PTPRD: variants seen among roughly 807,000 people sequenced by gnomAD.
The protein encoded by PTPRD is protein tyrosine phosphatase receptor type D.
In PTPRD, 34 loss-of-function variants were observed where a neutral mutation model predicts 214.5. That is an observed-to-expected ratio of 0.16 (90% confidence interval 0.12 to 0.21). The LOEUF (loss-of-function observed/expected upper bound fraction) is 0.21, where lower values mean the gene tolerates loss of function less well. PTPRD is among the 10% of genes least tolerant of loss of function. The probability of loss-of-function intolerance (pLI) is 1.00; values close to 1 mark genes in which losing one functional copy is unlikely to be tolerated. For missense variants in PTPRD, 2,545 were observed against 2,398.7 expected (o/e 1.06, Z -1.27); for synonymous variants, 1,128 against 845.7 (o/e 1.33, Z -5.79).
At chr9:10,531,964 G>A (rs985815854) in intron 2 of PTPRD, among the ~76,000 whole-genome samples, 5 of 152,116 alleles carry the variant, frequency 3.3e-5, no homozygotes, top group Admixed American at 2.6e-4. Flanking sequence ...TTATTTAATA[G>A]TGGGAATAAC....
At position 10,190,174 on chromosome 9, in the gene PTPRD, C is replaced by T. The variant is rs952356168; in HGVS notation, c.-545+150789G>A. Among the ~76,000 whole-genome samples the T allele has an allele frequency of 3.3e-5, 5 of 151,440 alleles. No homozygotes were observed. In the East Asian group the frequency reaches 9.8e-4, roughly 30 times the overall value. ...CTGAGGTCAGGAGTTCGAGATCAGC[C>T]TGACCAATATGGTGAAACCTCGTCT... On this transcript the variant is annotated intron_variant, in intron 3 of 45. Transcript: ENST00000381196.
Position 8,331,548 on chromosome 9 carries a change from C to T in PTPRD, c.5534+34G>A, listed in dbSNP as rs76379489. The T allele has an allele frequency of 0.068, 70,112 of 1,028,882 alleles. 2,344 individuals are homozygous for T. Among genetic ancestry groups the T allele is most frequent in the South Asian group, 0.23 (12,685 of 55,320 alleles). 63.7% of individuals were successfully genotyped at this position (1,028,882 alleles called of 1,614,324 possible). ...TACAGACAATGAAGAAACACCACCA[C>T]TTATCACTGCTTTATTCACAAATGG... On this transcript the variant is annotated intron_variant, in intron 44 of 45. Transcript: ENST00000381196.
intron 9 of PTPRD, among the ~76,000 whole-genome samples, chr9:9,332,752 G>A (rs751801863): frequency 6.6e-6 from 1 of 151,492 alleles, no homozygotes; most frequent in African/African-American, 2.4e-5. Flanking sequence ...GTACAGAGGA[G>A]GGTTTTTTTT....
intron 10 of PTPRD, among the ~76,000 whole-genome samples, chr9:9,169,924 C>T (rs1240493944): frequency 6.6e-6 from 1 of 152,094 alleles, no homozygotes; most frequent in African/African-American, 2.4e-5. Context: ...CCTGTCCTGT[C>T]CTGGAACTGC....
At chr9:10,087,922 C>T (rs1286901376) in intron 3 of PTPRD, among the ~76,000 whole-genome samples, 1 of 151,666 alleles carries the variant, frequency 6.6e-6, no homozygotes, top group East Asian at 1.9e-4. Flanking sequence ...TTGCAGACTA[C>T]TAATACAGGG....
intron 9 of PTPRD, among the ~76,000 whole-genome samples, chr9:9,332,395 A>AT (rs1412371285): frequency 6.6e-6 from 1 of 151,990 alleles, no homozygotes; most frequent in African/African-American, 2.4e-5. Context: ...AGTATATTCC[A>AT]TTTTGTCTAG....
chr9:9,829,837 A>C (rs894575910), intron 5 of PTPRD, among the ~76,000 whole-genome samples: 1 of 151,840 alleles, frequency 6.6e-6, no homozygotes, highest in African/African-American at 2.4e-5. Flanking sequence ...TTGTTTTGAA[A>C]GAATATTCTG....
At chr9:9,339,702 C>T (rs1265627855) in intron 9 of PTPRD, among the ~76,000 whole-genome samples, 1 of 152,152 alleles carries the variant, frequency 6.6e-6, no homozygotes, top group Non-Finnish European at 1.5e-5. Context: ...TGAATATTTG[C>T]TTACGTAAGT....
chr9:8,688,762 T>C, intron 12 of PTPRD, among the ~76,000 whole-genome samples: 1 of 152,126 alleles, frequency 6.6e-6, no homozygotes. Context: ...CCATCCATAG[T>C]CAAATGAGGT....
At chr9:10,104,142 T>C (rs1352901795) in intron 3 of PTPRD, among the ~76,000 whole-genome samples, 2 of 151,616 alleles carry the variant, frequency 1.3e-5, no homozygotes, top group African/African-American at 2.4e-5. Flanking sequence ...GAAAGTGGAA[T>C]GGTGGGTGCC....
At chr9:9,641,312 A>G (rs1564244331) in intron 7 of PTPRD, among the ~76,000 whole-genome samples, 2 of 152,172 alleles carry the variant, frequency 1.3e-5, no homozygotes, top group Non-Finnish European at 2.9e-5. Context: ...GCAGCATGTA[A>G]TGGTGTAATT....
chr9:9,897,131 T>TACACACAC (rs60964311), intron 5 of PTPRD, among the ~76,000 whole-genome samples: 12,060 of 148,844 alleles, frequency 0.081, 1,030 homozygotes, highest in East Asian at 0.28. Context: ...CTCTTACACT[T>TACACACAC]ACACACACAC....
In PTPRD at chr9:9,681,855, C is replaced by T. The variant is rs1000926511; in HGVS notation, c.-287+52678G>A. 3.3e-5 allele frequency among the ~76,000 whole-genome samples: 5 copies of T among 151,932 alleles called. No individual in the cohort carries two copies. The South Asian group carries it at 6.2e-4, about 19-fold the overall frequency. On this transcript the variant is annotated intron_variant, in intron 7 of 45. Coordinates refer to ENST00000381196, the MANE Select transcript of PTPRD (RefSeq NM_002839.4). ...ACATAAACCCAGCAGAGGGACTCTA[C>T]TCAGAACATAGAATCTGTTGACAAG...
chr9:8,341,546 G>T, intron 40 of PTPRD, 147 bp downstream of exon 40: 4 of 966,120 alleles, frequency 4.1e-6, no homozygotes, highest in African/African-American at 3.3e-5. Context: ...GAAAAGGGGA[G>T]GAATACATTT....
chr9:9,956,280 T>TAAA (rs202114228), intron 4 of PTPRD, among the ~76,000 whole-genome samples: 13 of 127,570 alleles, frequency 1.0e-4, no homozygotes, highest in African/African-American at 3.5e-4. Flanking sequence ...AAGTCAAACT[T>TAAA]AAAAAAAAAA....
intron 9 of PTPRD, among the ~76,000 whole-genome samples, chr9:9,290,699 C>A (rs962756166): frequency 6.6e-6 from 1 of 151,350 alleles, no homozygotes; most frequent in African/African-American, 2.4e-5. Flanking sequence ...TTAGCATGAA[C>A]AACAAAATAT....
intron 5 of PTPRD, among the ~76,000 whole-genome samples, chr9:9,810,835 T>C (rs1565441221): frequency 6.6e-6 from 1 of 151,886 alleles, no homozygotes; most frequent in Non-Finnish European, 1.5e-5. Context: ...GTGACTCTTC[T>C]GATGGATCTG....
intron 39 of PTPRD, among the ~76,000 whole-genome samples, chr9:8,368,076 C>A (rs780060887): frequency 1.9e-4 from 29 of 152,256 alleles, no homozygotes; most frequent in South Asian, 8.3e-4. Context: ...AAGAGCAGCT[C>A]TATGTGCTAG....
intron 14 of PTPRD, among the ~76,000 whole-genome samples, chr9:8,607,609 C>T (rs575082773): frequency 1.3e-5 from 2 of 152,160 alleles, no homozygotes; most frequent in African/African-American, 2.4e-5. Flanking sequence ...CGCCACTGCA[C>T]TCCAGCCTGG....
Sources: allele counts gnomAD v4.1 joint callset (sites outside exome capture counted in the v4.1 genomes callset), GRCh38; gene constraint gnomAD v4.1.1; transcripts MANE v1.5; gene names NCBI Gene and HGNC (gene_info 2026-07-23, HGNC 2026-07-21).